Variants in OTOF observed in about 807,000 individuals in gnomAD.
OTOF encodes fer-1-like family member 2.
Under a neutral mutation model 236.8 loss-of-function variants are expected in OTOF, and 218 were observed. That is an observed-to-expected ratio of 0.92 (90% CI 0.82 to 1.03). The LOEUF (loss-of-function observed/expected upper bound fraction) is 1.03, where lower values mean the gene tolerates loss of function less well. Among genes scored for constraint, OTOF ranks in the 50% least tolerant of loss-of-function variants. OTOF has a pLI of 0.00. For synonymous variants in OTOF, 1,041 were observed against 1,072.5 expected, an observed-to-expected ratio of 0.97 and a Z score of 0.57; for missense variants, 2,590 against 2,694.4, an observed-to-expected ratio of 0.96 and a Z score of 0.86.
rs972151987 is a variant in OTOF, at chr2:26,462,641, C to G, written c.5193-460G>C. 3.3e-5 allele frequency among the ~76,000 whole-genome samples: 5 copies of G among 152,318 alleles called. No homozygotes were observed. Among genetic ancestry groups the G allele is most frequent in the Non-Finnish European group, 7.3e-5 (5 of 68,034 alleles). On this transcript the variant is annotated intron_variant, in intron 41 of 46. Transcript: ENST00000272371. The surrounding 1 kb of genome is among the most constrained non-coding windows in gnomAD (Gnocchi z 4.7). The stretch of plus-strand genomic sequence containing the variant: ...TCTCCTGGGATTGCAGACAGGGCTG[C>G]GAGCCCAGAGTGGCCCAGTGAGTTG...
At position 26,502,283 on chromosome 2, in the gene OTOF, GGCTCCCGTCCACTCACC is replaced by G; in HGVS notation, c.710_710+16del. 1 of 1,613,836 alleles carries G rather than the reference GGCTCCCGTCCACTCACC, an allele frequency of 6.2e-7. No homozygotes were observed. Among genetic ancestry groups the G allele is most frequent in the South Asian group, 1.1e-5 (1 of 91,074 alleles). ...AGGGTGGGGGCAGCTGGGGTTGCAGGGCTCCCGTCCACTCACCGCTTGTTGGAGACATTAGTGGTGAG... is the reference window on the plus strand; with the variant it reads ...AGGGTGGGGGCAGCTGGGGTTGCAGGGCTTGTTGGAGACATTAGTGGTGAG... On this transcript the variant is annotated splice_donor_variant and splice_donor_5th_base_variant and coding_sequence_variant and intron_variant, in exon 7 of 47. Coordinates refer to ENST00000272371, the MANE Select transcript of OTOF (RefSeq NM_194248.3). LOFTEE classifies it high-confidence loss of function.
chr2:26,461,764 T>C lies in OTOF; in HGVS notation c.5465A>G (p.Tyr1822Cys), dbSNP rs1664474751. The change falls in exon 43 of 47, where the codon TAC (tyrosine) becomes TGC (cysteine). Residue 1822 changes from tyrosine (Y) to cysteine (C), a missense_variant. Around this residue, in one of 2 missense-constraint regions of OTOF, gnomAD observed 1,211 missense variants for 1,352.8 expected, o/e 0.90. Transcript: ENST00000272371. This position sits in a 1 kb window ranked among gnomAD's most constrained non-coding sequence, Gnocchi z 6.2. ...CAGGGTGAGCCGCGCGGGGATCTTG[T>C]ACTCGGTCTCGTCCCAGGAGAACAT... is the stretch of plus-strand genomic sequence containing the variant. ...ESMFSWDETE[Y>C]KIPARLTLQI... The C allele has an allele frequency of 6.2e-7, 1 of 1,614,066 alleles. No individual in the cohort carries two copies. Among genetic ancestry groups the C allele is most frequent in the Admixed American group, 1.7e-5 (1 of 60,004 alleles).
intron 1 of OTOF, among the ~76,000 whole-genome samples, chr2:26,540,180 C>T (rs992282657): frequency 1.3e-5 from 2 of 152,202 alleles, no homozygotes; most frequent in African/African-American, 2.4e-5. Flanking sequence ...TGATCTCCCA[C>T]CTCGGCCTCC....
chr2:26,484,165 T>C (rs1044828590), intron 12 of OTOF, among the ~76,000 whole-genome samples: 8 of 152,206 alleles, frequency 5.3e-5, no homozygotes, highest in Admixed American at 2.6e-4. Context: ...AGAAGAAACC[T>C]TGGCTCTCCC....
In OTOF at chr2:26,463,722, T is replaced by TAGCCAATCACAGCTTCTGAGGG. The variant is rs1252033057; in HGVS notation, c.5104-173_5104-152dup. ...CCAGGAATTCCTATGATGTCACCAATAGCCAATCACAGCTTCTGAGGGAGA... is the reference window on the plus strand; with the variant it reads ...CCAGGAATTCCTATGATGTCACCAATAGCCAATCACAGCTTCTGAGGGAGCCAATCACAGCTTCTGAGGGAGA... On this transcript the variant is annotated intron_variant, in intron 40 of 46. Coordinates refer to ENST00000272371, the MANE Select transcript of OTOF (RefSeq NM_194248.3). 7 of 823,384 alleles carry TAGCCAATCACAGCTTCTGAGGG rather than the reference T, an allele frequency of 8.5e-6. No individual in the cohort carries two copies. The Admixed American group carries it at 1.0e-4, about 12-fold the overall frequency. 51.0% of individuals were successfully genotyped at this position (823,384 alleles called of 1,614,324 possible).
Position 26,475,281 on chromosome 2 carries a change from C to T in OTOF, c.3126+78G>A, listed in dbSNP as rs955053688. On this transcript the variant is annotated intron_variant, in intron 25 of 46. Coordinates refer to ENST00000272371, the MANE Select transcript of OTOF (RefSeq NM_194248.3). ...TGGGTGGCGGAGGTGAGGGCACAGC[C>T]TCAGCGCAGGTGGAGTGCAGGGAAC... 7.7e-5 allele frequency: 118 copies of T among 1,539,760 alleles called. No individual in the cohort carries two copies. In the Admixed American group the frequency reaches 2.0e-3, roughly 26 times the overall value.
At chr2:26,529,779 A>G (rs866107973) in intron 2 of OTOF, among the ~76,000 whole-genome samples, 4 of 123,848 alleles carry the variant, frequency 3.2e-5, no homozygotes, top group African/African-American at 1.2e-4. Flanking sequence ...GAAGCAGAGG[A>G]GCGGGAGAGG....
intron 5 of OTOF, among the ~76,000 whole-genome samples, chr2:26,511,841 A>C (rs1378008923): frequency 6.6e-6 from 1 of 152,230 alleles, no homozygotes. Context: ...GGAAGGCAGC[A>C]GAGGATTTTC....
intron 1 of OTOF, among the ~76,000 whole-genome samples, chr2:26,540,521 C>T (rs1018594256): frequency 1.3e-4 from 20 of 152,188 alleles, no homozygotes; most frequent in Non-Finnish European, 2.5e-4. Flanking sequence ...TCGTTCCCTC[C>T]GGGAACTGAC....
chr2:26,547,171 GTTA>G (rs1667352609), intron 1 of OTOF, among the ~76,000 whole-genome samples: 1 of 152,142 alleles, frequency 6.6e-6, no homozygotes, highest in South Asian at 2.1e-4. Flanking sequence ...TTTGCTGATA[GTTA>G]TTATCATGAA....
intron 5 of OTOF, among the ~76,000 whole-genome samples, chr2:26,511,614 A>T (rs1289438546): frequency 6.6e-6 from 1 of 152,198 alleles, no homozygotes; most frequent in African/African-American, 2.4e-5. Flanking sequence ...TGGCCAGCTA[A>T]CCTTTACGTT....
chr2:26,520,554 C>T (rs796491839), intron 3 of OTOF, among the ~76,000 whole-genome samples: 5 of 152,324 alleles, frequency 3.3e-5, no homozygotes, highest in African/African-American at 7.2e-5. Flanking sequence ...AAACTGACCA[C>T]GCCACTCCTT....
At chr2:26,551,058 C>T (rs1208323774) in intron 1 of OTOF, among the ~76,000 whole-genome samples, 2 of 152,098 alleles carry the variant, frequency 1.3e-5, no homozygotes, top group South Asian at 2.1e-4. Context: ...GGCACAATCT[C>T]GGCTCACTGC....
Position 26,480,999 on chromosome 2 carries a change from G to A in OTOF, c.1590C>T (p.Pro530=), listed in dbSNP as rs139627439. The A allele has an allele frequency of 6.2e-7, 1 of 1,612,714 alleles. No individual in the cohort carries two copies. The change falls in exon 15 of 47, where the codon CCC becomes CCT. Residue 530 remains proline, a synonymous_variant. Coordinates refer to ENST00000272371, the MANE Select transcript of OTOF (RefSeq NM_194248.3). ...ISNDGDKGFL[P]TLGPAWVNMY... ...TGTTCACCCAGGCTGGGCCCAGTGT[G>A]GGCAGGAAGCCTGTGGCAGTGGGAA...
At chr2:26,474,825 C>A in intron 25 of OTOF, 151 bp from the exon 26 acceptor site, 1 of 868,808 alleles carries the variant, frequency 1.2e-6, no homozygotes, top group Non-Finnish European at 1.9e-6. Flanking sequence ...CAGGGCCCAC[C>A]AAAGACTTGT....
chr2:26,459,328 G>A (rs564303092), intron 46 of OTOF, among the ~76,000 whole-genome samples: 10 of 152,136 alleles, frequency 6.6e-5, no homozygotes, highest in South Asian at 2.1e-4. Flanking sequence ...CGAGATGGGC[G>A]GATCACGAGG....
At chr2:26,469,159 T>C (rs1228211121) in intron 32 of OTOF, among the ~76,000 whole-genome samples, 1 of 152,232 alleles carries the variant, frequency 6.6e-6, no homozygotes, top group East Asian at 1.9e-4. Context: ...ATTGTTTTAA[T>C]GTACAAAAGT....
At chr2:26,546,664 T>C (rs1667340237) in intron 1 of OTOF, among the ~76,000 whole-genome samples, 1 of 152,122 alleles carries the variant, frequency 6.6e-6, no homozygotes, top group African/African-American at 2.4e-5. Context: ...TTGCATTCAG[T>C]CTATAGATCA....
At chr2:26,488,868 C>T (rs1444976849) in intron 11 of OTOF, among the ~76,000 whole-genome samples, 3 of 152,224 alleles carry the variant, frequency 2.0e-5, no homozygotes, top group Non-Finnish European at 4.4e-5. Context: ...TCTCCCTCAC[C>T]GCATCCTCTA....
Sources: gnomAD v4.1 joint callset for allele counts (sites outside exome capture counted in the v4.1 genomes callset) on GRCh38, gnomAD v4.1.1 for gene constraint, gnomAD v4.1.1 regional missense constraint, Gnocchi (gnomAD v3.1) non-coding constraint, MANE v1.5 for transcripts, NCBI Gene and HGNC (gene_info 2026-07-23, HGNC 2026-07-21) for gene names.